PARD3: variants seen among roughly 807,000 people sequenced by gnomAD.
PARD3 encodes the protein par-3 family cell polarity regulator, also known as partitioning defective 3 homolog.
PARD3 carries 75 observed loss-of-function variants against 155.4 expected under a neutral mutation model. The observed-to-expected ratio is 0.48, with a 90% CI of 0.40 to 0.58. The LOEUF is 0.58. Among genes scored for constraint, PARD3 ranks in the 20% least tolerant of loss-of-function variants. The probability of loss-of-function intolerance (pLI) is 0.00; values close to 1 mark genes in which losing one functional copy is unlikely to be tolerated. For missense variants in PARD3, 1,642 were observed against 1,721.7 expected (o/e 0.95, Z 0.82); for synonymous variants, 576 against 610.5 (o/e 0.94, Z 0.83).
At chr10:34,511,500 C>T (rs558732439) in intron 3 of PARD3, among the ~76,000 whole-genome samples, 327 of 152,256 alleles carry the variant, frequency 2.1e-3, no homozygotes, top group Non-Finnish European at 3.3e-3. Flanking sequence ...ACTGCATCCT[C>T]ACATGTAGGA....
At chr10:34,340,045 T>C (rs944193016) in intron 16 of PARD3, among the ~76,000 whole-genome samples, 2 of 152,234 alleles carry the variant, frequency 1.3e-5, no homozygotes, top group Admixed American at 6.5e-5. Context: ...CATTTTCTGC[T>C]GTGATTCAGA....
intron 2 of PARD3, among the ~76,000 whole-genome samples, chr10:34,665,609 G>C (rs2093432134): frequency 6.6e-6 from 1 of 152,130 alleles, no homozygotes; most frequent in Admixed American, 6.5e-5. Flanking sequence ...GGATGGCGAG[G>C]CAGGCGGATC....
chr10:34,416,855 G>T (rs1399274419), intron 5 of PARD3, among the ~76,000 whole-genome samples: 2 of 152,222 alleles, frequency 1.3e-5, no homozygotes, highest in Non-Finnish European at 2.9e-5. Flanking sequence ...TTGCAAAATT[G>T]TAACAATAGG....
intron 22 of PARD3, among the ~76,000 whole-genome samples, chr10:34,200,929 T>G (rs893520468): frequency 4.6e-5 from 7 of 152,236 alleles, no homozygotes; most frequent in Non-Finnish European, 8.8e-5. Context: ...ACAAACTCTC[T>G]GGCAGCTCCT....
At chr10:34,465,023 C>T (rs569282890) in intron 4 of PARD3, among the ~76,000 whole-genome samples, 1 of 152,260 alleles carries the variant, frequency 6.6e-6, no homozygotes, top group South Asian at 2.1e-4. Flanking sequence ...TGCACATCCT[C>T]CCATATAGTT....
intron 2 of PARD3, among the ~76,000 whole-genome samples, chr10:34,664,323 C>A (rs1317140618): frequency 6.6e-6 from 1 of 152,140 alleles, no homozygotes; most frequent in Admixed American, 6.5e-5. Context: ...CTGCCTCAGC[C>A]TACCAAGTAG....
intron 2 of PARD3, among the ~76,000 whole-genome samples, chr10:34,583,363 C>T (rs1020277039): frequency 2.6e-5 from 4 of 152,136 alleles, no homozygotes; most frequent in Non-Finnish European, 5.9e-5. Context: ...AAGATAGCTG[C>T]TACTCTAAGT....
At chr10:34,743,134 T>C (rs1158528486) in intron 1 of PARD3, among the ~76,000 whole-genome samples, 12 of 152,218 alleles carry the variant, frequency 7.9e-5, no homozygotes, top group Non-Finnish European at 1.3e-4. Flanking sequence ...TTTTCCATTG[T>C]ATCCTTCCCC....
intron 4 of PARD3, among the ~76,000 whole-genome samples, chr10:34,452,800 C>G (rs10219045): frequency 0.055 from 8,405 of 152,252 alleles, 778 homozygotes; most frequent in African/African-American, 0.19. Flanking sequence ...CCAAAGATAC[C>G]TCGAAACTGA....
At chr10:34,795,112 G>A (rs1842102816) in intron 1 of PARD3, among the ~76,000 whole-genome samples, 1 of 152,242 alleles carries the variant, frequency 6.6e-6, no homozygotes, top group South Asian at 2.1e-4. Flanking sequence ...ATACTGTCCA[G>A]GAGCCCTGAG....
At chr10:34,510,383 A>T (rs1011522153) in intron 3 of PARD3, among the ~76,000 whole-genome samples, 1 of 152,204 alleles carries the variant, frequency 6.6e-6, no homozygotes, top group African/African-American at 2.4e-5. Flanking sequence ...GCTCTGAATA[A>T]ATAGCCTTCA....
At chr10:34,129,700 C>CTTTTTTTTTTTTTTTTTTTTTTTTTTTT (rs1209547388) in intron 23 of PARD3, among the ~76,000 whole-genome samples, 5 of 82,984 alleles carry the variant, frequency 6.0e-5, no homozygotes, top group African/African-American at 1.8e-4. Flanking sequence ...TGTCAAGCCT[C>CTTTTTTTTTTTTTTTTTTTTTTTTTTTT]TTTTTTTTTT....
At chr10:34,639,472 A>C (rs1470233142) in intron 2 of PARD3, among the ~76,000 whole-genome samples, 1 of 152,246 alleles carries the variant, frequency 6.6e-6, no homozygotes, top group African/African-American at 2.4e-5. Context: ...GCCCTAGGGC[A>C]CATCCCCGTT....
Position 34,317,271 on chromosome 10 carries a change from A to G in PARD3, c.2901T>C (p.Pro967=). ...TCATTTGTCTCTCCAGAGAGTGGGAAGGCTGATCACTGGCTGTGGATACAG... is the reference window on the plus strand; with the variant it reads ...TCATTTGTCTCTCCAGAGAGTGGGAGGGCTGATCACTGGCTGTGGATACAG... ...RESVSTASDQ[P]SHSLERQMNG... The change falls in exon 20 of 25, where the codon CCT becomes CCC. Residue 967 remains proline (P), a synonymous_variant. Transcript: ENST00000374788. 6.2e-7 allele frequency: 1 copy of G among 1,613,742 alleles called. No homozygotes were observed. The highest frequency in any genetic ancestry group is 1.3e-5 in the African/African-American group (1 of 74,994).
chr10:34,371,408 G>T (rs1171695858), intron 12 of PARD3, among the ~76,000 whole-genome samples: 1 of 138,052 alleles, frequency 7.2e-6, no homozygotes, highest in African/African-American at 2.6e-5. Context: ...TAGAATTGTG[G>T]AATATTTATA....
chr10:34,786,865 T>G (rs12763418), intron 1 of PARD3, among the ~76,000 whole-genome samples: 2 of 152,028 alleles, frequency 1.3e-5, no homozygotes. Context: ...AAAAATGGCA[T>G]GCAGAGTTCA....
intron 1 of PARD3, among the ~76,000 whole-genome samples, chr10:34,720,364 T>G (rs548470174): frequency 7.0e-6 from 1 of 143,820 alleles, no homozygotes; most frequent in Non-Finnish European, 1.5e-5. Flanking sequence ...GGCAGAAGAA[T>G]TGCTTGAAAC....
At chr10:34,366,851 A>G (rs1356449723) in intron 12 of PARD3, among the ~76,000 whole-genome samples, 1 of 152,166 alleles carries the variant, frequency 6.6e-6, no homozygotes, top group African/African-American at 2.4e-5. Context: ...TCCCCATTTT[A>G]ATTTATCCCG....
intron 22 of PARD3, among the ~76,000 whole-genome samples, chr10:34,243,797 G>A (rs1478262506): frequency 6.6e-6 from 1 of 152,128 alleles, no homozygotes; most frequent in African/African-American, 2.4e-5. Context: ...GTGACAGGGC[G>A]AGACTCCATC....
Sources: gnomAD v4.1 joint callset for allele counts (sites outside exome capture counted in the v4.1 genomes callset) on GRCh38, gnomAD v4.1.1 for gene constraint, MANE v1.5 for transcripts, NCBI Gene and HGNC (gene_info 2026-07-23, HGNC 2026-07-21) for gene names.